The following ANXA4 variants were observed in gnomAD, a reference collection of about 807,000 sequenced individuals.
The protein encoded by ANXA4 is annexin A4, also known as 35-beta calcimedin.
In ANXA4, 39 loss-of-function variants were observed where a neutral mutation model predicts 49.8. The observed-to-expected ratio is 0.78, with a 90% CI of 0.61 to 1.02. ANXA4 has a LOEUF of 1.02. Ranked by LOEUF, ANXA4 falls within the 50% of genes least tolerant of loss-of-function variation. The probability of loss-of-function intolerance (pLI) is 0.00; values close to 1 mark genes in which losing one functional copy is unlikely to be tolerated. For missense variants in ANXA4, 360 were observed against 410.1 expected (o/e 0.88, Z 1.05); for synonymous variants, 134 against 152.5 (o/e 0.88, Z 0.89).
chr2:69,789,650 T>A (rs1362575039), intron 3 of ANXA4, among the ~76,000 whole-genome samples: 1 of 152,100 alleles, frequency 6.6e-6, no homozygotes, highest in African/African-American at 2.4e-5. Flanking sequence ...TCAGGGTTTT[T>A]ATAAATGGGC....
chr2:69,737,403 A>G (rs980560265), upstream of ANXA4, among the ~76,000 whole-genome samples: 1 of 152,156 alleles, frequency 6.6e-6, no homozygotes, highest in Non-Finnish European at 1.5e-5. Flanking sequence ...CCTGTTTCCC[A>G]GATGTCCAAG....
intron 1 of ANXA4, among the ~76,000 whole-genome samples, chr2:69,780,962 C>G (rs1482512144): frequency 6.6e-6 from 1 of 152,072 alleles, no homozygotes; most frequent in Admixed American, 6.6e-5. Context: ...AGTGTATAAG[C>G]CTGCAGCTTA....
intron 2 of ANXA4, among the ~76,000 whole-genome samples, chr2:69,694,608 G>A (rs1315017616): frequency 3.5e-5 from 5 of 143,734 alleles, no homozygotes; most frequent in African/African-American, 1.3e-4. Context: ...CCACCTATGA[G>A]TGAGAACATG....
chr2:69,816,298 A>G (rs1197432191), intron 9 of ANXA4, 104 bp downstream of exon 9: 1 of 876,468 alleles, frequency 1.1e-6, no homozygotes. Flanking sequence ...GGTACAAAGA[A>G]CTGATTGTAC....
At chr2:69,679,599 T>A (rs1677527614) in intron 2 of ANXA4, among the ~76,000 whole-genome samples, 2 of 152,140 alleles carry the variant, frequency 1.3e-5, no homozygotes, top group Admixed American at 1.3e-4. Context: ...TGTCCTAAAG[T>A]GTTTTCCCTA....
At chr2:69,726,183 A>G (rs770954167) in intron 3 of ANXA4, among the ~76,000 whole-genome samples, 14 of 152,126 alleles carry the variant, frequency 9.2e-5, no homozygotes, top group Non-Finnish European at 1.9e-4. Context: ...ATAGTGGGTG[A>G]GTTCATGAGA....
Position 69,781,514 on chromosome 2 carries a change from T to C in ANXA4, c.-46-6T>C. 1 of 1,611,410 alleles carries C rather than the reference T, an allele frequency of 6.2e-7. No homozygotes were observed. Among genetic ancestry groups the C allele is most frequent in the Non-Finnish European group, 8.5e-7 (1 of 1,177,798 alleles). On this transcript the variant is annotated splice_polypyrimidine_tract_variant and splice_region_variant and intron_variant, in intron 1 of 12. Coordinates refer to ENST00000394295, the MANE Select transcript of ANXA4 (RefSeq NM_001153.5). ...CACAGTAATTTCCCCTCTGCTTTTATCACAGAAGAACTTCTGCTTGGGTGG... is the reference window on the plus strand; with the variant it reads ...CACAGTAATTTCCCCTCTGCTTTTACCACAGAAGAACTTCTGCTTGGGTGG...
intron 3 of ANXA4, among the ~76,000 whole-genome samples, chr2:69,801,000 G>A (rs1673170148): frequency 6.6e-6 from 1 of 152,040 alleles, no homozygotes; most frequent in Non-Finnish European, 1.5e-5. Flanking sequence ...GGGGGTTGGG[G>A]GGCTGATGTC....
intron 2 of ANXA4, among the ~76,000 whole-genome samples, chr2:69,696,985 T>G (rs115261738): frequency 0.014 from 2,166 of 152,250 alleles, 33 homozygotes; most frequent in Non-Finnish European, 0.024. Flanking sequence ...ATTTCCAGAA[T>G]GGTAAATGAG....
chr2:69,646,002 G>C (rs1319089700), intron 1 of ANXA4, among the ~76,000 whole-genome samples: 2 of 152,110 alleles, frequency 1.3e-5, no homozygotes, highest in South Asian at 2.1e-4. Flanking sequence ...GTTCTTACCT[G>C]GCTATACTAA....
intron 3 of ANXA4, among the ~76,000 whole-genome samples, chr2:69,795,663 T>A (rs1672913765): frequency 6.6e-6 from 1 of 152,128 alleles, no homozygotes; most frequent in African/African-American, 2.4e-5. Flanking sequence ...GGCCTAGCAG[T>A]TTTAGCTTGA....
intron 2 of ANXA4, among the ~76,000 whole-genome samples, chr2:69,720,079 C>T (rs1038930920): frequency 1.3e-5 from 2 of 152,154 alleles, no homozygotes; most frequent in Admixed American, 6.5e-5. Flanking sequence ...AGATTAGGAA[C>T]GAGCTCCCCC....
chr2:69,679,687 G>A (rs967913948), intron 2 of ANXA4, among the ~76,000 whole-genome samples: 2 of 152,080 alleles, frequency 1.3e-5, no homozygotes, highest in African/African-American at 2.4e-5. Flanking sequence ...TTTGCATATG[G>A]TGATGGACAG....
chr2:69,809,313 G>A (rs772653504), intron 6 of ANXA4: 4 of 152,140 alleles, frequency 2.6e-5, no homozygotes, highest in Non-Finnish European at 5.9e-5. Flanking sequence ...TTCAGAGCAG[G>A]AGATTCTAAA....
At chr2:69,808,043 G>C (rs1226355452) in intron 6 of ANXA4, 47 bp downstream of exon 6, 1 of 1,553,978 alleles carries the variant, frequency 6.4e-7, no homozygotes, top group East Asian at 2.2e-5. Context: ...GCTGTGATTA[G>C]AGAATGAGGG....
At chr2:69,766,870 G>A (rs1015672668) in intron 1 of ANXA4, among the ~76,000 whole-genome samples, 10 of 152,140 alleles carry the variant, frequency 6.6e-5, no homozygotes, top group African/African-American at 1.9e-4. Flanking sequence ...GGTCTGATGC[G>A]CTCTAAAGTC....
chr2:69,788,710 C>T (rs1374702250), intron 3 of ANXA4, among the ~76,000 whole-genome samples: 19 of 151,506 alleles, frequency 1.3e-4, no homozygotes, highest in Admixed American at 2.6e-4. Context: ...TGGTGGCGGG[C>T]GCCTGTAGTC....
chr2:69,682,573 T>A (rs1320393565), intron 2 of ANXA4, among the ~76,000 whole-genome samples: 1 of 152,232 alleles, frequency 6.6e-6, no homozygotes, highest in African/African-American at 2.4e-5. Context: ...ACATTCTTTA[T>A]GTAATGGTTC....
At chr2:69,774,340 C>CT (rs869296678) in intron 1 of ANXA4, among the ~76,000 whole-genome samples, 2,855 of 49,634 alleles carry the variant, frequency 0.058, 117 homozygotes, top group Middle Eastern at 0.076. Flanking sequence ...CCCCCCCCCC[C>CT]TTTTTTTTTT....
Sources: gnomAD v4.1 joint callset for allele counts (sites outside exome capture counted in the v4.1 genomes callset) on GRCh38, gnomAD v4.1.1 for gene constraint, MANE v1.5 for transcripts, NCBI Gene and HGNC (gene_info 2026-07-23, HGNC 2026-07-21) for gene names.